Variants in ADGRB3 observed in about 807,000 individuals in gnomAD.
ADGRB3 encodes adhesion G protein-coupled receptor B3.
ADGRB3 carries 37 observed loss-of-function variants against 193.4 expected under a neutral mutation model. That is an observed-to-expected ratio of 0.19 (90% CI 0.15 to 0.25). The LOEUF is 0.25. Among genes scored for constraint, ADGRB3 ranks in the 10% least tolerant of loss-of-function variants. The probability of loss-of-function intolerance (pLI) is 1.00; values close to 1 mark genes in which losing one functional copy is unlikely to be tolerated. For missense variants in ADGRB3, 1,637 were observed against 1,852.9 expected, an observed-to-expected ratio of 0.88 and a Z score of 2.14; for synonymous variants, 690 against 644.2, an observed-to-expected ratio of 1.07 and a Z score of -1.08.
Position 69,325,033 on chromosome 6 carries a change from T to A in ADGRB3, c.2965+11T>A. 3 of 1,609,864 alleles carry A rather than the reference T, an allele frequency of 1.9e-6. No individual in the cohort carries two copies. On this transcript the variant is annotated intron_variant, in intron 21 of 31. Transcript: ENST00000370598. ...TGTGCCTTGGATGGGGTAAGCATATTGATATACCGTTTCATGCTCTTCTCA... is the reference window on the plus strand; with the variant it reads ...TGTGCCTTGGATGGGGTAAGCATATAGATATACCGTTTCATGCTCTTCTCA...
At chr6:68,772,421 A>C (rs1244175242) in intron 3 of ADGRB3, among the ~76,000 whole-genome samples, 1 of 152,072 alleles carries the variant, frequency 6.6e-6, no homozygotes, top group Admixed American at 6.6e-5. Flanking sequence ...ATGTTGTATG[A>C]GTCTCCTGAA....
intron 20 of ADGRB3, among the ~76,000 whole-genome samples, chr6:69,272,317 C>T (rs1158690452): frequency 6.6e-6 from 1 of 152,186 alleles, no homozygotes; most frequent in Middle Eastern, 3.4e-3. Context: ...ATGGGCAGGT[C>T]AGCAGATAAT....
At chr6:69,287,411 A>T (rs1767575704) in intron 20 of ADGRB3, among the ~76,000 whole-genome samples, 1 of 152,202 alleles carries the variant, frequency 6.6e-6, no homozygotes, top group East Asian at 1.9e-4. Flanking sequence ...CCAATGTTCA[A>T]CACCATTTCT....
At chr6:68,827,087 T>C (rs920742629) in intron 3 of ADGRB3, among the ~76,000 whole-genome samples, 4 of 152,050 alleles carry the variant, frequency 2.6e-5, no homozygotes, top group Non-Finnish European at 5.9e-5. Flanking sequence ...AGTAAGAATA[T>C]AAAAGAGATA....
intron 15 of ADGRB3, among the ~76,000 whole-genome samples, chr6:69,058,534 A>G (rs1210991770): frequency 6.6e-6 from 1 of 151,844 alleles, no homozygotes; most frequent in South Asian, 2.1e-4. Flanking sequence ...GTATAAAGTC[A>G]GGTTTTGATT....
At chr6:68,770,832 A>C (rs1341508120) in intron 3 of ADGRB3, among the ~76,000 whole-genome samples, 1 of 152,140 alleles carries the variant, frequency 6.6e-6, no homozygotes, top group African/African-American at 2.4e-5. Flanking sequence ...TGAGTCCCAC[A>C]GTCAGACACA....
intron 3 of ADGRB3, among the ~76,000 whole-genome samples, chr6:68,917,282 C>G (rs903035337): frequency 1.3e-5 from 2 of 152,164 alleles, no homozygotes; most frequent in African/African-American, 4.8e-5. Flanking sequence ...ACCATTTAAG[C>G]ACTTCCAGTG....
chr6:69,059,541 C>T (rs984240652), intron 15 of ADGRB3, among the ~76,000 whole-genome samples: 1 of 152,100 alleles, frequency 6.6e-6, no homozygotes, highest in Non-Finnish European at 1.5e-5. Context: ...GAGCATAAAT[C>T]TCAAGGACAG....
chr6:69,020,809 G>C (rs1445466576), intron 13 of ADGRB3, among the ~76,000 whole-genome samples: 1 of 151,998 alleles, frequency 6.6e-6, no homozygotes, highest in East Asian at 1.9e-4. Context: ...TTGGTGACTA[G>C]AACTGAGGGT....
intron 13 of ADGRB3, among the ~76,000 whole-genome samples, chr6:69,022,589 T>A (rs1770301449): frequency 6.6e-6 from 1 of 151,960 alleles, no homozygotes; most frequent in Non-Finnish European, 1.5e-5. Context: ...TACTCCCATT[T>A]TTCATCCTTC....
chr6:68,940,020 A>G (rs1027483734), intron 5 of ADGRB3, among the ~76,000 whole-genome samples: 1 of 152,194 alleles, frequency 6.6e-6, no homozygotes, highest in African/African-American at 2.4e-5. Flanking sequence ...ATTAGTGACC[A>G]TTCACCCATA....
At chr6:68,664,113 TTTAC>T (rs1467872169) in intron 3 of ADGRB3, among the ~76,000 whole-genome samples, 1 of 151,828 alleles carries the variant, frequency 6.6e-6, no homozygotes, top group Non-Finnish European at 1.5e-5. Flanking sequence ...TTTGTCTTAA[TTTAC>T]TTTTATTTCT....
intron 17 of ADGRB3, among the ~76,000 whole-genome samples, chr6:69,124,943 G>A (rs7760630): frequency 0.64 from 96,677 of 151,432 alleles, 32,094 homozygotes; most frequent in East Asian, 0.95. Flanking sequence ...ATTTATGGAT[G>A]AAGAATGTAG....
intron 3 of ADGRB3, among the ~76,000 whole-genome samples, chr6:68,738,420 G>T (rs115473465): frequency 6.2e-4 from 94 of 152,208 alleles, no homozygotes; most frequent in African/African-American, 1.9e-3. Flanking sequence ...GAGAACAGCT[G>T]GGGGACAAAG....
chr6:69,154,577 C>A (rs372237224), intron 17 of ADGRB3, among the ~76,000 whole-genome samples: 186 of 152,290 alleles, frequency 1.2e-3, no homozygotes, highest in African/African-American at 4.4e-3. Flanking sequence ...CTTTGCCTGG[C>A]AAATTCAGAT....
intron 17 of ADGRB3, among the ~76,000 whole-genome samples, chr6:69,228,049 A>C (rs1294308027): frequency 6.6e-6 from 1 of 152,210 alleles, no homozygotes; most frequent in African/African-American, 2.4e-5. Flanking sequence ...TGAGGTCAGG[A>C]GTTTGATACC....
At chr6:68,665,435 A>G (rs1003193004) in intron 3 of ADGRB3, among the ~76,000 whole-genome samples, 5 of 151,850 alleles carry the variant, frequency 3.3e-5, no homozygotes, top group Non-Finnish European at 5.9e-5. Flanking sequence ...TATATTCCTC[A>G]AAATAATTTT....
chr6:68,975,422 A>G, intron 10 of ADGRB3, 82 bp downstream of exon 10: 9 of 1,043,568 alleles, frequency 8.6e-6, no homozygotes, highest in South Asian at 4.7e-5. Context: ...CTTCTGCTGT[A>G]CAATCAAATC....
At chr6:69,201,146 A>G (rs999643891) in intron 17 of ADGRB3, among the ~76,000 whole-genome samples, 2 of 152,182 alleles carry the variant, frequency 1.3e-5, no homozygotes, top group East Asian at 1.9e-4. Context: ...CTCTGAAGAA[A>G]CAAATAACAA....
Sources: gnomAD v4.1 joint callset for allele counts (sites outside exome capture counted in the v4.1 genomes callset) on GRCh38, gnomAD v4.1.1 for gene constraint, MANE v1.5 for transcripts, NCBI Gene and HGNC (gene_info 2026-07-23, HGNC 2026-07-21) for gene names.